The following SCN2B variants were observed in gnomAD, a reference collection of about 807,000 sequenced individuals.
SCN2B encodes sodium channel regulatory subunit beta-2.
Under a neutral mutation model 18.2 loss-of-function variants are expected in SCN2B, and 14 were observed. That is an observed-to-expected ratio of 0.77 (90% CI 0.51 to 1.21). The LOEUF is 1.21. SCN2B is among the 50% of genes most tolerant of loss of function. The pLI is 0.00. For synonymous variants in SCN2B, 115 were observed against 115.3 expected, an observed-to-expected ratio of 1.00 and a Z score of 0.02; for missense variants, 262 against 286.9, an observed-to-expected ratio of 0.91 and a Z score of 0.63.
Position 118,166,936 on chromosome 11 carries a change from T to A in SCN2B, c.599A>T (p.Glu200Val). 1 of 1,614,140 alleles carries A rather than the reference T, an allele frequency of 6.2e-7. No individual in the cohort carries two copies. The highest frequency in any genetic ancestry group is 8.5e-7 in the Non-Finnish European group (1 of 1,180,020). Reference protein sequence around the residue: ...KLSTDDLKTEEEGKTDGEGNP... With the variant: ...KLSTDDLKTEVEGKTDGEGNP... ...GCCTTCACCGTCCGTCTTGCCCTCC[T>A]CCTCGGTCTTCAGGTCATCTGTGCT... Residue 200 changes from glutamate to valine, a missense_variant, in exon 4 of 4, where the codon GAG (glutamate) becomes GTG (valine). Physicochemically the swap from Glu to Val is moderately radical, Grantham distance 121. Coordinates refer to ENST00000278947, the MANE Select transcript of SCN2B (RefSeq NM_004588.5).
chr11:118,169,726 T>C (rs980749682), intron 1 of SCN2B, among the ~76,000 whole-genome samples: 2 of 151,922 alleles, frequency 1.3e-5, no homozygotes, highest in African/African-American at 4.8e-5. Flanking sequence ...GCAGGCAGGG[T>C]GGGAGCTGCT....
intron 1 of SCN2B, among the ~76,000 whole-genome samples, chr11:118,175,395 T>A (rs914592980): frequency 6.6e-6 from 1 of 152,196 alleles, no homozygotes; most frequent in Non-Finnish European, 1.5e-5. Flanking sequence ...CTGCACTGTC[T>A]GTGTTTAGCA....
chr11:118,167,512 G>A (rs2135517787), intron 3 of SCN2B, among the ~76,000 whole-genome samples: 1 of 152,302 alleles, frequency 6.6e-6, no homozygotes, highest in Non-Finnish European at 1.5e-5. Context: ...CTGAGACATA[G>A]AGGTGCCCAA....
At chr11:118,167,248 C>T (rs1278339561) in intron 3 of SCN2B, among the ~76,000 whole-genome samples, 162 bp from the exon 4 acceptor site, 3 of 152,320 alleles carry the variant, frequency 2.0e-5, no homozygotes, top group Admixed American at 1.3e-4. Context: ...CCTGAAGCGC[C>T]GCCACCTCCA....
rs749371621 is a variant in SCN2B, at chr11:118,176,477, A to T, written c.-46T>A. ...GTCGGGTGGGCTACGGGAGAGGGTG[A>T]TTTGAGGGGGCGAGAACTACAAGGG... is the stretch of plus-strand genomic sequence containing the variant. On this transcript the variant is annotated 5_prime_UTR_variant, in exon 1 of 4. Transcript: ENST00000278947. 7 of 1,465,354 alleles carry T rather than the reference A, an allele frequency of 4.8e-6. No individual in the cohort carries two copies. In the East Asian group the frequency reaches 1.6e-4, roughly 33 times the overall value. The allele number at this position is 1,465,354 out of a possible 1,614,324, so 90.8% of individuals were successfully genotyped here. A position where few individuals can be genotyped will look rare whatever the true frequency, so the allele number is the denominator to read the frequency against.
At chr11:118,172,382 C>G (rs757298060) in intron 1 of SCN2B, among the ~76,000 whole-genome samples, 1 of 152,222 alleles carries the variant, frequency 6.6e-6, no homozygotes, top group Non-Finnish European at 1.5e-5. Context: ...TAGTAAGAGG[C>G]GAAGCTAGAA....
chr11:118,175,772 T>C (rs956612740), intron 1 of SCN2B, among the ~76,000 whole-genome samples: 5 of 152,090 alleles, frequency 3.3e-5, no homozygotes, highest in Non-Finnish European at 7.4e-5. Flanking sequence ...AAAGGTGCCT[T>C]CTCCATCAGT....
intron 1 of SCN2B, among the ~76,000 whole-genome samples, chr11:118,170,207 GA>G (rs1948419569): frequency 1.3e-5 from 2 of 152,072 alleles, no homozygotes; most frequent in Admixed American, 6.5e-5. Context: ...CATCAACAAG[GA>G]AAAAAATCAT....
chr11:118,166,862 G>A lies in SCN2B; in HGVS notation c.*25C>T, dbSNP rs75535056. On this transcript the variant is annotated 3_prime_UTR_variant, in exon 4 of 4. Transcript: ENST00000278947. ...GCGGAGAGGGGAGGAGACGGGACAC[G>A]GGAGGCTGCAGGGCCGGCCACCCAC... 3.7e-4 allele frequency: 604 copies of A among 1,613,078 alleles called. 2 individuals carry two copies. The African/African-American group carries it at 7.0e-3, about 19-fold the overall frequency.
At chr11:118,176,273 T>G in intron 1 of SCN2B, 89 bp downstream of exon 1, 1 of 1,214,450 alleles carries the variant, frequency 8.2e-7, no homozygotes, top group Non-Finnish European at 1.2e-6. Context: ...GCGCTAGCAA[T>G]GTCTTCTTTC....
chr11:118,168,230 G>C lies in SCN2B; in HGVS notation c.303C>G (p.Phe101Leu). ...KLERFQDRVE[F>L]SGNPSKYDVS... ...CATCGTACTTGCTGGGGTTCCCTGA[G>C]AACTCCACGCGGTCTTGAAACCGCT... The change falls in exon 3 of 4, where the codon TTC becomes TTG. Residue 101 changes from phenylalanine (F) to leucine (L), a missense_variant. Physicochemically the swap from Phe to Leu is conservative, Grantham distance 22. Coordinates refer to ENST00000278947, the MANE Select transcript of SCN2B (RefSeq NM_004588.5). This position sits in a 1 kb window ranked among gnomAD's most constrained non-coding sequence, Gnocchi z 4.7. 6.2e-7 allele frequency: 1 copy of C among 1,614,184 alleles called. No individual in the cohort carries two copies. The highest frequency in any genetic ancestry group is 8.5e-7 in the Non-Finnish European group (1 of 1,180,034).
intron 1 of SCN2B, among the ~76,000 whole-genome samples, chr11:118,170,575 G>A (rs1227782882): frequency 1.3e-5 from 2 of 152,080 alleles, no homozygotes; most frequent in Non-Finnish European, 1.5e-5. Flanking sequence ...CTGCAGGGTT[G>A]GGGAGTATGG....
chr11:118,167,104 C>T lies in SCN2B; in HGVS notation c.449-18G>A. On this transcript the variant is annotated intron_variant, in intron 3 of 3. Transcript: ENST00000278947. ...AGGGGGCTCTGGAAAGGAAGCAGAGCCACTGAGCACCAGGGCTGGGAAAGG... is the reference window on the plus strand; with the variant it reads ...AGGGGGCTCTGGAAAGGAAGCAGAGTCACTGAGCACCAGGGCTGGGAAAGG... 2 of 1,606,094 alleles carry T rather than the reference C, an allele frequency of 1.2e-6. No homozygotes were observed. The highest frequency in any genetic ancestry group is 1.7e-6 in the Non-Finnish European group (2 of 1,179,040).
chr11:118,164,748 G>A lies in SCN2B; in HGVS notation c.*2139C>T, dbSNP rs1297687708. The A allele has an allele frequency of 6.5e-6, 1 of 152,694 alleles. No homozygotes were observed. Among genetic ancestry groups the A allele is most frequent in the Non-Finnish European group, 1.5e-5 (1 of 68,072 alleles). 9.5% of individuals were successfully genotyped at this position (152,694 alleles called of 1,614,324 possible). The stretch of plus-strand genomic sequence containing the variant: ...CAGTGCCAACCTGGCAGTCCCCAGT[G>A]CTTATGGCTTTGTGTATATCCCCAG... On this transcript the variant is annotated 3_prime_UTR_variant, in exon 4 of 4. Coordinates refer to ENST00000278947, the MANE Select transcript of SCN2B (RefSeq NM_004588.5).
In SCN2B at chr11:118,166,769, A is replaced by G; in HGVS notation, c.*118T>C. On this transcript the variant is annotated 3_prime_UTR_variant, in exon 4 of 4. Transcript: ENST00000278947. ...CGAAGTCGGGGGTTCAGGAGGCCCC[A>G]GGTGGGCCCTGGGGTCCTAGGTCAC... 8.2e-7 allele frequency: 1 copy of G among 1,225,770 alleles called. No homozygotes were observed. The highest frequency in any genetic ancestry group is 1.8e-5 in the Admixed American group (1 of 55,742). The allele number at this position is 1,225,770 out of a possible 1,614,324, so 75.9% of individuals were successfully genotyped here.
At position 118,165,875 on chromosome 11, in the gene SCN2B, A is replaced by T. The variant is rs1353142101; in HGVS notation, c.*1012T>A. Reference sequence around the variant, plus strand: ...AGCTCAGGTTCCAAGGCCTCCCCTTATGCCGGCCTCAGGCTTTCCCTTCCC... The same window carrying T: ...AGCTCAGGTTCCAAGGCCTCCCCTTTTGCCGGCCTCAGGCTTTCCCTTCCC... On this transcript the variant is annotated 3_prime_UTR_variant, in exon 4 of 4. Transcript: ENST00000278947. 2 of 152,266 alleles carry T rather than the reference A, an allele frequency of 1.3e-5. No homozygotes were observed. The highest frequency in any genetic ancestry group is 4.8e-5 in the African/African-American group (2 of 41,454). The allele number at this position is 152,266 out of a possible 1,614,324, so 9.4% of individuals were successfully genotyped here.
At position 118,166,607 on chromosome 11, in the gene SCN2B, A is replaced by G. The variant is rs534954852; in HGVS notation, c.*280T>C. ...CTCCCTTCTCTCTGGGGACCCTCACATGTGCCTCCTGCCTCCCCCCAGGGA... is the reference window on the plus strand; with the variant it reads ...CTCCCTTCTCTCTGGGGACCCTCACGTGTGCCTCCTGCCTCCCCCCAGGGA... On this transcript the variant is annotated 3_prime_UTR_variant, in exon 4 of 4. Coordinates refer to ENST00000278947, the MANE Select transcript of SCN2B (RefSeq NM_004588.5). The G allele has an allele frequency of 3.7e-4, 188 of 501,694 alleles. No homozygotes were observed. Among genetic ancestry groups the G allele is most frequent in the African/African-American group, 2.2e-3 (115 of 51,626 alleles). The allele number at this position is 501,694 out of a possible 1,614,324, so 31.1% of individuals were successfully genotyped here. A position where few individuals can be genotyped will look rare whatever the true frequency, so the allele number is the denominator to read the frequency against.
rs760543488 is a variant in SCN2B, at chr11:118,168,736, C to A, written c.86G>T (p.Ser29Ile). The change falls in exon 2 of 4, where the codon AGC becomes ATC. Residue 29 changes from serine to isoleucine, a missense_variant. Transcript: ENST00000278947. This position sits in a 1 kb window ranked among gnomAD's most constrained non-coding sequence, Gnocchi z 4.7. ...LFFSLVPPGR[S>I]MEVTVPATLN... ...GGTGGCAGGTACTGTGACCTCCATG[C>A]TCCGTCCTGGTGGCACTGCAGATGA... The A allele has an allele frequency of 6.2e-7, 1 of 1,614,198 alleles. No individual in the cohort carries two copies. The highest frequency in any genetic ancestry group is 8.5e-7 in the Non-Finnish European group (1 of 1,180,038).
chr11:118,176,618 AAGAG>A lies in SCN2B; in HGVS notation c.-191_-188del, dbSNP rs1281585060. ...GGCCGGCTTGTATGTTGCTGCTAAA[AAGAG>A]AGAGAGAGGGAGTGTGTAAAGGAGA... On this transcript the variant is annotated 5_prime_UTR_variant, in exon 1 of 4. Transcript: ENST00000278947. The A allele has an allele frequency of 2.8e-6, 1 of 363,206 alleles. No homozygotes were observed. Among genetic ancestry groups the A allele is most frequent in the Middle Eastern group, 7.3e-4 (1 of 1,362 alleles). 22.5% of individuals were successfully genotyped at this position (363,206 alleles called of 1,614,324 possible).
Sources: gnomAD v4.1 joint callset for allele counts (sites outside exome capture counted in the v4.1 genomes callset) on GRCh38, gnomAD v4.1.1 for gene constraint, Gnocchi (gnomAD v3.1) non-coding constraint, MANE v1.5 for transcripts, NCBI Gene and HGNC (gene_info 2026-07-23, HGNC 2026-07-21) for gene names.